Variants in DENND6A observed in about 807,000 individuals in gnomAD.
DENND6A encodes the protein protein DENND6A.
A neutral mutation model predicts 95.5 loss-of-function variants in DENND6A; 43 were observed. That is an observed-to-expected ratio of 0.45 (90% confidence interval 0.35 to 0.58). The LOEUF (loss-of-function observed/expected upper bound fraction) is 0.58, where lower values mean the gene tolerates loss of function less well. Ranked by LOEUF, DENND6A falls within the 20% of genes least tolerant of loss-of-function variation. The pLI, the probability that DENND6A is intolerant of heterozygous loss-of-function variation, is 0.00. For missense variants in DENND6A, 574 were observed against 736.0 expected (o/e 0.78, Z 2.55); for synonymous variants, 257 against 260.4 (o/e 0.99, Z 0.13).
rs184639136 is a variant in DENND6A at position 57,689,948 on chromosome 3, T to A, written c.237+2834A>T. 1.9e-3 allele frequency among the ~76,000 whole-genome samples: 282 copies of A among 151,440 alleles called. 3 individuals are homozygous for A. The highest frequency in any genetic ancestry group is 3.4e-3 in the Middle Eastern group (1 of 292). On this transcript the variant is annotated intron_variant, in intron 1 of 19. Transcript: ENST00000311128. Reference sequence around the variant, plus strand: ...GTGTAGTGGTGCATGTCTGTATTCATAGATACTCAGGAGGATCCCTCGAGT... The same window carrying A: ...GTGTAGTGGTGCATGTCTGTATTCAAAGATACTCAGGAGGATCCCTCGAGT...
intron 1 of DENND6A, among the ~76,000 whole-genome samples, chr3:57,686,793 G>C (rs549747884): frequency 6.6e-6 from 1 of 152,126 alleles, no homozygotes; most frequent in East Asian, 1.9e-4. Context: ...CTCTCCTCAG[G>C]CCTCCCTATT....
chr3:57,651,491 T>C (rs1372389065), intron 9 of DENND6A, among the ~76,000 whole-genome samples: 1 of 152,060 alleles, frequency 6.6e-6, no homozygotes, highest in Non-Finnish European at 1.5e-5. Context: ...AGTAAATTAG[T>C]AATGGCAAGG....
chr3:57,652,072 T>A (rs899177482), intron 9 of DENND6A, among the ~76,000 whole-genome samples: 6 of 152,060 alleles, frequency 3.9e-5, no homozygotes. Context: ...AATAAATAAA[T>A]AACATCTGTC....
At chr3:57,634,455 G>T in intron 14 of DENND6A, 103 bp downstream of exon 14, 9 of 512,370 alleles carry the variant, frequency 1.8e-5, no homozygotes, top group Non-Finnish European at 2.4e-5. Flanking sequence ...AAAAAAAGGA[G>T]AGATCCTATT....
At chr3:57,677,419 C>CTTTTTTTTTTTTTTT (rs71088101) in intron 1 of DENND6A, among the ~76,000 whole-genome samples, 1 of 68,708 alleles carries the variant, frequency 1.5e-5, no homozygotes, top group Non-Finnish European at 2.5e-5. Flanking sequence ...CTTTGTTGTC[C>CTTTTTTTTTTTTTTT]TTTTTTTTTT....
chr3:57,629,276 C>T (rs949891273), intron 18 of DENND6A, among the ~76,000 whole-genome samples: 4 of 152,122 alleles, frequency 2.6e-5, no homozygotes, highest in African/African-American at 7.2e-5. Context: ...ATGTACACTT[C>T]GTGTTTTCGG....
At chr3:57,642,313 CAAAAA>C (rs10681174) in intron 11 of DENND6A, among the ~76,000 whole-genome samples, 1 of 67,564 alleles carries the variant, frequency 1.5e-5, no homozygotes, top group African/African-American at 7.4e-5. Context: ...GACTCTGTCT[CAAAAA>C]AAAAAAAAAA....
chr3:57,629,561 G>A (rs867061799), intron 18 of DENND6A, among the ~76,000 whole-genome samples: 9 of 145,990 alleles, frequency 6.2e-5, no homozygotes, highest in African/African-American at 2.0e-4. Context: ...GCCCAGGCTG[G>A]AGCACAGTGG....
chr3:57,688,522 C>G (rs1019193008), intron 1 of DENND6A, among the ~76,000 whole-genome samples: 4 of 151,934 alleles, frequency 2.6e-5, no homozygotes, highest in Non-Finnish European at 2.9e-5. Context: ...TCAGATACTC[C>G]AATATTAAGC....
intron 9 of DENND6A, among the ~76,000 whole-genome samples, chr3:57,652,361 G>C (rs1173808208): frequency 6.6e-6 from 1 of 152,128 alleles, no homozygotes; most frequent in Non-Finnish European, 1.5e-5. Flanking sequence ...AGAGAACTGC[G>C]ATCTCCAGCC....
In DENND6A at chr3:57,626,114, T is replaced by C. The variant is rs1306345209; in HGVS notation, c.*2100A>G. 1 of 152,644 alleles carries C rather than the reference T, an allele frequency of 6.6e-6. No individual in the cohort carries two copies. Among genetic ancestry groups the C allele is most frequent in the Non-Finnish European group, 1.5e-5 (1 of 68,042 alleles). The allele number at this position is 152,644 out of a possible 1,614,324, so 9.5% of individuals were successfully genotyped here. On this transcript the variant is annotated 3_prime_UTR_variant, in exon 20 of 20. Transcript: ENST00000311128. ...AAAAGTCAGCTGTTGTTTCACAAAA[T>C]AACTCATATGATCCAAGGCAAACGA... is the stretch of plus-strand genomic sequence containing the variant.
In DENND6A at chr3:57,660,813, CA is replaced by C; in HGVS notation, c.645del (p.Ala216ProfsTer16). ...EAACNDVDRW[P>X]APVPGKTLHL... ...TGTAATGTTTTCCCTGGCACTGGGG[CA>C]GGCCATCGATCAACATCATTACAAG... is the stretch of plus-strand genomic sequence containing the variant. On this transcript the variant is annotated frameshift_variant, in exon 7 of 20. Coordinates refer to ENST00000311128, the MANE Select transcript of DENND6A (RefSeq NM_152678.3). LOFTEE classifies it high-confidence loss of function. 1.9e-6 allele frequency: 3 copies of C among 1,608,488 alleles called. No individual in the cohort carries two copies. Among genetic ancestry groups the C allele is most frequent in the Non-Finnish European group, 2.5e-6 (3 of 1,177,378 alleles).
At chr3:57,631,761 C>T (rs369823205) in intron 15 of DENND6A, among the ~76,000 whole-genome samples, 90 of 116,440 alleles carry the variant, frequency 7.7e-4, no homozygotes, top group Non-Finnish European at 5.5e-4. Context: ...CTCACTCTTT[C>T]GCCCAAGCTG....
intron 3 of DENND6A, among the ~76,000 whole-genome samples, chr3:57,670,316 G>A (rs1213470406): frequency 1.3e-5 from 2 of 152,168 alleles, no homozygotes; most frequent in Non-Finnish European, 2.9e-5. Context: ...AAAACCCAAA[G>A]AGGTGGTTAA....
intron 3 of DENND6A, among the ~76,000 whole-genome samples, chr3:57,666,638 G>A (rs112815370): frequency 6.3e-4 from 96 of 152,246 alleles, no homozygotes; most frequent in African/African-American, 2.0e-3. Context: ...CTAAACTGTC[G>A]TGCTTAGGGA....
chr3:57,646,555 C>A (rs2071084787), intron 9 of DENND6A, 117 bp from the exon 10 acceptor site: 1 of 1,353,708 alleles, frequency 7.4e-7, no homozygotes, highest in Non-Finnish European at 9.8e-7. Flanking sequence ...CTATTTGTAT[C>A]CTGATCTGAT....
At chr3:57,691,141 T>C (rs1221478721) in intron 1 of DENND6A, among the ~76,000 whole-genome samples, 1 of 152,226 alleles carries the variant, frequency 6.6e-6, no homozygotes, top group African/African-American at 2.4e-5. Flanking sequence ...AGAATCTCCT[T>C]TAGCTATTTA....
chr3:57,673,435 T>C (rs1470317614), intron 1 of DENND6A, among the ~76,000 whole-genome samples: 1 of 151,342 alleles, frequency 6.6e-6, no homozygotes, highest in South Asian at 2.1e-4. Context: ...GTAGTAAGAG[T>C]TTGAGAGGGG....
chr3:57,644,678 G>A (rs1575826401), intron 11 of DENND6A, among the ~76,000 whole-genome samples: 1 of 114,744 alleles, frequency 8.7e-6, no homozygotes, highest in Admixed American at 9.2e-5. Context: ...ACCAGCCTGG[G>A]CAACAGGGAA....
Sources: gnomAD v4.1 joint callset for allele counts (sites outside exome capture counted in the v4.1 genomes callset) on GRCh38, gnomAD v4.1.1 for gene constraint, MANE v1.5 for transcripts, NCBI Gene and HGNC (gene_info 2026-07-23, HGNC 2026-07-21) for gene names.